Variants in ADAMTS12 observed in about 807,000 individuals in gnomAD.
ADAMTS12 encodes A disintegrin and metalloproteinase with thrombospondin motifs 12.
ADAMTS12 carries 118 observed loss-of-function variants against 167.8 expected under a neutral mutation model. The observed-to-expected ratio is 0.70, with a 90% CI of 0.61 to 0.82. ADAMTS12 has a LOEUF of 0.82. Ranked by LOEUF, ADAMTS12 falls within the 40% of genes least tolerant of loss-of-function variation. ADAMTS12 has a pLI of 0.00. For synonymous variants in ADAMTS12, 704 were observed against 716.9 expected (o/e 0.98, Z 0.29); for missense variants, 1,916 against 1,998.8 (o/e 0.96, Z 0.79).
At chr5:33,747,242 T>G (rs1301273285) in intron 3 of ADAMTS12, among the ~76,000 whole-genome samples, 1 of 152,142 alleles carries the variant, frequency 6.6e-6, no homozygotes, top group Non-Finnish European at 1.5e-5. Context: ...GCCTTGACTC[T>G]GGGTCCAGGG....
rs1325257261 is a variant in ADAMTS12 at position 33,637,869 on chromosome 5, TA to T, written c.1719-124del. 5 of 978,356 alleles carry T rather than the reference TA, an allele frequency of 5.1e-6. No homozygotes were observed. In the Admixed American group the frequency reaches 8.8e-5, roughly 17 times the overall value. The allele number at this position is 978,356 out of a possible 1,614,324, so 60.6% of individuals were successfully genotyped here. On this transcript the variant is annotated intron_variant, in intron 11 of 23. Coordinates refer to ENST00000504830, the MANE Select transcript of ADAMTS12 (RefSeq NM_030955.4). ...CTCTATGCCCTCAAAACTTACCTTT[TA>T]AATAACTGCTTCAAATTTTACACAT...
chr5:33,754,085 C>T (rs1053582912), intron 2 of ADAMTS12, among the ~76,000 whole-genome samples: 8 of 152,146 alleles, frequency 5.3e-5, no homozygotes, highest in Admixed American at 3.9e-4. Context: ...GGGCTTTGTA[C>T]ATCTAGTACC....
chr5:33,589,019 G>C (rs1747509048), intron 17 of ADAMTS12, among the ~76,000 whole-genome samples: 1 of 152,178 alleles, frequency 6.6e-6, no homozygotes, highest in Admixed American at 6.5e-5. Context: ...ATGAGCTGTT[G>C]CTAAATACGC....
intron 20 of ADAMTS12, among the ~76,000 whole-genome samples, chr5:33,551,159 A>G (rs1745240872): frequency 6.6e-6 from 1 of 152,190 alleles, no homozygotes; most frequent in East Asian, 1.9e-4. Context: ...GGTTGAGGAA[A>G]GAAAATTCCT....
At chr5:33,861,088 G>A (rs1262293998) in intron 2 of ADAMTS12, among the ~76,000 whole-genome samples, 3 of 152,112 alleles carry the variant, frequency 2.0e-5, no homozygotes, top group African/African-American at 7.2e-5. Flanking sequence ...ATACCAAATT[G>A]TAAAGACCAT....
chr5:33,683,811 A>C (rs1307059593), intron 4 of ADAMTS12, 48 bp downstream of exon 4: 1 of 1,334,948 alleles, frequency 7.5e-7, no homozygotes, highest in Admixed American at 2.8e-5. Flanking sequence ...AGCATTTCTA[A>C]TGACATCTGT....
chr5:33,779,162 A>G (rs1026166540), intron 2 of ADAMTS12, among the ~76,000 whole-genome samples: 16 of 150,586 alleles, frequency 1.1e-4, no homozygotes, highest in Non-Finnish European at 1.9e-4. Flanking sequence ...CTGGGTATAT[A>G]TCCAAAGGAA....
intron 14 of ADAMTS12, among the ~76,000 whole-genome samples, chr5:33,619,908 T>C (rs1298704385): frequency 6.6e-6 from 1 of 152,194 alleles, no homozygotes; most frequent in African/African-American, 2.4e-5. Context: ...TTGGCCAGGA[T>C]GGTCTCGATC....
intron 3 of ADAMTS12, among the ~76,000 whole-genome samples, chr5:33,708,568 C>T (rs1026395025): frequency 3.3e-5 from 5 of 152,010 alleles, no homozygotes; most frequent in South Asian, 2.1e-4. Context: ...AATGATAAAC[C>T]GGATAAAGAA....
intron 2 of ADAMTS12, among the ~76,000 whole-genome samples, chr5:33,772,689 G>T (rs1462063709): frequency 6.6e-6 from 1 of 152,158 alleles, no homozygotes; most frequent in Non-Finnish European, 1.5e-5. Flanking sequence ...CATAGTGAGG[G>T]TTTCTAAGTT....
At position 33,527,173 on chromosome 5, in the gene ADAMTS12, G is replaced by A. The variant is rs1479290614; in HGVS notation, c.*15C>T. On this transcript the variant is annotated 3_prime_UTR_variant, in exon 24 of 24. Transcript: ENST00000504830. ...AGGCTGCTGCAGTCTGGTGGAAGCTGGCTTCCTTTTGGGCTTAGAGTTCTT... is the reference window on the plus strand; with the variant it reads ...AGGCTGCTGCAGTCTGGTGGAAGCTAGCTTCCTTTTGGGCTTAGAGTTCTT... The A allele has an allele frequency of 6.2e-7, 1 of 1,613,698 alleles. No homozygotes were observed. Among genetic ancestry groups the A allele is most frequent in the Non-Finnish European group, 8.5e-7 (1 of 1,179,714 alleles).
chr5:33,784,898 T>C (rs1172793135), intron 2 of ADAMTS12, among the ~76,000 whole-genome samples: 1 of 152,148 alleles, frequency 6.6e-6, no homozygotes, highest in East Asian at 1.9e-4. Context: ...CAAAAGTTGC[T>C]GGACTTTCAG....
intron 2 of ADAMTS12, among the ~76,000 whole-genome samples, chr5:33,849,218 T>C (rs560942795): frequency 1.1e-5 from 1 of 92,872 alleles, no homozygotes; most frequent in African/African-American, 5.3e-5. Flanking sequence ...ATGTATTGCA[T>C]AGCAATATAT....
At chr5:33,540,659 T>C (rs1158081559) in intron 22 of ADAMTS12, among the ~76,000 whole-genome samples, 2 of 152,244 alleles carry the variant, frequency 1.3e-5, no homozygotes, top group Non-Finnish European at 2.9e-5. Flanking sequence ...TTTGCTGCTC[T>C]GCAGCCTCTG....
chr5:33,548,533 T>A lies in ADAMTS12; in HGVS notation c.4302+674A>T, dbSNP rs116930049. Among the ~76,000 whole-genome samples the A allele has an allele frequency of 7.4e-4, 112 of 152,316 alleles. 1 individual carries two copies. The East Asian group carries it at 0.019, about 26-fold the overall frequency. On this transcript the variant is annotated intron_variant, in intron 21 of 23. Coordinates refer to ENST00000504830, the MANE Select transcript of ADAMTS12 (RefSeq NM_030955.4). ...TTTTTATTTTTTGGCCTTCTTTCTA[T>A]CATTTGTGGATGTAGTTGGGAGTAT...
intron 2 of ADAMTS12, among the ~76,000 whole-genome samples, chr5:33,795,986 T>G (rs186110854): frequency 3.7e-4 from 56 of 152,362 alleles, no homozygotes; most frequent in Non-Finnish European, 6.0e-4. Flanking sequence ...GCAACTTTTA[T>G]TTTCTGCTGT....
At chr5:33,873,567 T>C (rs1172162104) in intron 2 of ADAMTS12, among the ~76,000 whole-genome samples, 2 of 152,304 alleles carry the variant, frequency 1.3e-5, no homozygotes, top group South Asian at 2.1e-4. Context: ...ACAAAATGAT[T>C]CTAAAATTTA....
chr5:33,554,406 C>G (rs963372285), intron 20 of ADAMTS12, among the ~76,000 whole-genome samples: 2 of 152,102 alleles, frequency 1.3e-5, no homozygotes, highest in Admixed American at 1.3e-4. Flanking sequence ...CTCCTAAAGG[C>G]TTCTATTTAA....
intron 2 of ADAMTS12, among the ~76,000 whole-genome samples, chr5:33,812,593 G>C (rs537198015): frequency 4.2e-4 from 64 of 152,228 alleles, no homozygotes; most frequent in African/African-American, 1.5e-3. Context: ...GCCTGGCTTT[G>C]GACTTCATGT....
Sources: allele counts gnomAD v4.1 joint callset (sites outside exome capture counted in the v4.1 genomes callset), GRCh38; gene constraint gnomAD v4.1.1; transcripts MANE v1.5; gene names NCBI Gene and HGNC (gene_info 2026-07-23, HGNC 2026-07-21).